Variants in CA10 observed in about 807,000 individuals in gnomAD.
CA10 encodes the protein carbonic anhydrase 10 (inactive).
In CA10, 14 loss-of-function variants were observed where a neutral mutation model predicts 44.2. That is an observed-to-expected ratio of 0.32 (90% CI 0.21 to 0.50). The LOEUF is 0.50. Among genes scored for constraint, CA10 ranks in the 20% least tolerant of loss-of-function variants. CA10 has a pLI of 0.99. For synonymous variants in CA10, 159 were observed against 141.6 expected, an observed-to-expected ratio of 1.12 and a Z score of -0.87; for missense variants, 350 against 409.7, an observed-to-expected ratio of 0.85 and a Z score of 1.26.
chr17:51,714,583 T>C (rs1916038990), intron 4 of CA10, among the ~76,000 whole-genome samples: 1 of 152,128 alleles, frequency 6.6e-6, no homozygotes, highest in South Asian at 2.1e-4. Flanking sequence ...GGTGGGTGGG[T>C]AGAGACACAC....
chr17:52,005,938 A>G (rs1188595381), intron 2 of CA10, among the ~76,000 whole-genome samples: 1 of 151,856 alleles, frequency 6.6e-6, no homozygotes, highest in Non-Finnish European at 1.5e-5. Flanking sequence ...GTTCAAAGCA[A>G]AAAGATGAAA....
At chr17:51,690,262 T>C (rs1162419731) in intron 4 of CA10, among the ~76,000 whole-genome samples, 3 of 152,206 alleles carry the variant, frequency 2.0e-5, no homozygotes, top group African/African-American at 7.2e-5. Context: ...CTCTTAGCAA[T>C]TTTTAATACC....
chr17:52,018,076 A>G (rs897179409), intron 2 of CA10, among the ~76,000 whole-genome samples: 4 of 152,246 alleles, frequency 2.6e-5, no homozygotes, highest in Middle Eastern at 3.4e-3. Flanking sequence ...GCTTCCACCC[A>G]GATTTCAGAG....
At chr17:51,643,237 T>C (rs975247) in intron 6 of CA10, among the ~76,000 whole-genome samples, 112,335 of 152,078 alleles carry the variant, frequency 0.74, 41,631 homozygotes, top group South Asian at 0.81. Flanking sequence ...AGAATACTAC[T>C]TTTTATTTAA....
intron 6 of CA10, among the ~76,000 whole-genome samples, chr17:51,648,885 G>T (rs1212273423): frequency 6.6e-6 from 1 of 152,160 alleles, no homozygotes; most frequent in East Asian, 1.9e-4. Context: ...AGCTGACACG[G>T]TGGAGCGTGT....
chr17:51,835,006 AC>A (rs2143793161), intron 3 of CA10, among the ~76,000 whole-genome samples: 1 of 152,204 alleles, frequency 6.6e-6, no homozygotes, highest in East Asian at 1.9e-4. Context: ...AATGGGACCA[AC>A]CCTTCCCTGC....
chr17:51,966,151 A>T (rs1984072153), intron 2 of CA10, among the ~76,000 whole-genome samples: 1 of 151,844 alleles, frequency 6.6e-6, no homozygotes, highest in Non-Finnish European at 1.5e-5. Context: ...AATATATCTA[A>T]CCAAGGAGGT....
At chr17:51,836,219 G>A (rs565021986) in intron 3 of CA10, among the ~76,000 whole-genome samples, 1 of 152,320 alleles carries the variant, frequency 6.6e-6, no homozygotes, top group Non-Finnish European at 1.5e-5. Flanking sequence ...TGGCCAAAAA[G>A]CAAGGCATCC....
At chr17:51,652,723 T>C (rs993743657) in intron 5 of CA10, among the ~76,000 whole-genome samples, 11 of 152,256 alleles carry the variant, frequency 7.2e-5, no homozygotes, top group Admixed American at 4.6e-4. Flanking sequence ...TTCTGAGTAA[T>C]AATGATGTCA....
intron 2 of CA10, among the ~76,000 whole-genome samples, chr17:51,935,856 A>C (rs1419975715): frequency 6.6e-6 from 1 of 152,174 alleles, no homozygotes; most frequent in Non-Finnish European, 1.5e-5. Flanking sequence ...TTCACCAAAA[A>C]CAAATAGGTC....
intron 1 of CA10, among the ~76,000 whole-genome samples, chr17:52,127,544 C>T (rs1472191195): frequency 6.6e-6 from 1 of 152,100 alleles, no homozygotes; most frequent in Non-Finnish European, 1.5e-5. Flanking sequence ...TAACAATGTA[C>T]ACTTCCACCA....
intron 3 of CA10, chr17:51,761,279 C>CA (rs2143637229): frequency 6.6e-6 from 1 of 152,198 alleles, no homozygotes; most frequent in Admixed American, 6.5e-5. Context: ...ATTCATATTG[C>CA]AAGTTTTATG....
chr17:52,072,966 C>T (rs116233443), intron 1 of CA10, among the ~76,000 whole-genome samples: 3 of 152,124 alleles, frequency 2.0e-5, no homozygotes, highest in South Asian at 2.1e-4. Context: ...TGGAAAATAT[C>T]GTGGAGATCT....
intron 3 of CA10, among the ~76,000 whole-genome samples, chr17:51,849,266 A>ATATATATATATATAT (rs1555605624): frequency 1.5e-5 from 1 of 68,444 alleles, no homozygotes; most frequent in Non-Finnish European, 3.9e-5. Flanking sequence ...TATATATATA[A>ATATATATATATATAT]AACTAAGTTT....
intron 4 of CA10, among the ~76,000 whole-genome samples, chr17:51,729,334 CT>C (rs976229729): frequency 6.6e-6 from 1 of 152,036 alleles, no homozygotes; most frequent in Non-Finnish European, 1.5e-5. Context: ...GATGCTTAAA[CT>C]TTTTTGTGTG....
At chr17:52,000,940 A>T (rs1985402695) in intron 2 of CA10, among the ~76,000 whole-genome samples, 1 of 151,936 alleles carries the variant, frequency 6.6e-6, no homozygotes, top group South Asian at 2.1e-4. Context: ...TCTAAGCCTC[A>T]GCTTATTAAC....
chr17:51,717,765 A>G (rs11867508), intron 4 of CA10, among the ~76,000 whole-genome samples: 51 of 78,124 alleles, frequency 6.5e-4, no homozygotes, highest in Non-Finnish European at 1.0e-3. Flanking sequence ...ATACGTATAT[A>G]TGTATACATA....
intron 4 of CA10, among the ~76,000 whole-genome samples, chr17:51,702,943 C>T (rs1044943262): frequency 4.6e-5 from 7 of 152,180 alleles, no homozygotes; most frequent in African/African-American, 1.4e-4. Flanking sequence ...TTACCCAGGA[C>T]TTTGGGAATG....
intron 3 of CA10, among the ~76,000 whole-genome samples, chr17:51,785,672 T>G (rs1008913891): frequency 6.6e-6 from 1 of 152,152 alleles, no homozygotes; most frequent in Non-Finnish European, 1.5e-5. Context: ...ATGTGTCTGT[T>G]TTTATGCCAG....
Sources: allele counts gnomAD v4.1 joint callset (sites outside exome capture counted in the v4.1 genomes callset), GRCh38; gene constraint gnomAD v4.1.1; transcripts MANE v1.5; gene names NCBI Gene and HGNC (gene_info 2026-07-23, HGNC 2026-07-21).